TMEM117: variants seen among roughly 807,000 people sequenced by gnomAD.
TMEM117 encodes transmembrane protein 117.
TMEM117 carries 27 observed loss-of-function variants against 52.4 expected under a neutral mutation model. The ratio of observed to expected loss-of-function variants is 0.51; its 90% CI spans 0.38 to 0.71. The LOEUF (loss-of-function observed/expected upper bound fraction) is 0.71. Among genes scored for constraint, TMEM117 ranks in the 30% least tolerant of loss-of-function variants. The pLI is 0.00. For synonymous variants in TMEM117, 215 were observed against 206.3 expected, an observed-to-expected ratio of 1.04 and a Z score of -0.36; for missense variants, 556 against 630.5, an observed-to-expected ratio of 0.88 and a Z score of 1.26.
At chr12:44,340,004 G>A (rs1004662666) in intron 6 of TMEM117, among the ~76,000 whole-genome samples, 1 of 152,082 alleles carries the variant, frequency 6.6e-6, no homozygotes, top group African/African-American at 2.4e-5. Context: ...TGAAGCCACA[G>A]CTAAAATAGT....
intron 3 of TMEM117, chr12:44,010,349 G>A (rs1461937413): frequency 7.2e-6 from 3 of 416,870 alleles, no homozygotes; most frequent in African/African-American, 6.2e-5. Context: ...TGCTGCTCTG[G>A]GTATTGAAGC....
intron 5 of TMEM117, among the ~76,000 whole-genome samples, chr12:44,214,249 G>T (rs751848143): frequency 4.7e-5 from 7 of 147,674 alleles, no homozygotes; most frequent in Non-Finnish European, 7.4e-5. Context: ...AGGTCCTAGT[G>T]ATTCTCCTGC....
chr12:44,067,655 G>C (rs1005412798), intron 3 of TMEM117, among the ~76,000 whole-genome samples: 1 of 152,154 alleles, frequency 6.6e-6, no homozygotes, highest in Non-Finnish European at 1.5e-5. Context: ...AGCAAACCAT[G>C]CTGTAAACAA....
At chr12:43,839,071 A>G (rs1443217252) in intron 1 of TMEM117, among the ~76,000 whole-genome samples, 1 of 152,128 alleles carries the variant, frequency 6.6e-6, no homozygotes, top group Non-Finnish European at 1.5e-5. Flanking sequence ...TCTACATCCA[A>G]TGTATTAGTA....
chr12:44,089,604 C>T (rs1565822712), intron 3 of TMEM117, among the ~76,000 whole-genome samples: 2 of 152,150 alleles, frequency 1.3e-5, no homozygotes, highest in Admixed American at 6.5e-5. Context: ...ATGTGACTCT[C>T]TCAGCGTAAG....
At chr12:43,853,622 AT>A (rs1943349193) in intron 2 of TMEM117, among the ~76,000 whole-genome samples, 1 of 152,218 alleles carries the variant, frequency 6.6e-6, no homozygotes, top group Non-Finnish European at 1.5e-5. Flanking sequence ...TTATTTGTTC[AT>A]TTATAAAAAA....
At chr12:44,256,036 G>T (rs1001101395) in intron 5 of TMEM117, among the ~76,000 whole-genome samples, 4 of 151,760 alleles carry the variant, frequency 2.6e-5, no homozygotes, top group African/African-American at 9.7e-5. Flanking sequence ...ATTTATATAA[G>T]TCATTTATAA....
Position 44,152,542 on chromosome 12 carries a change from A to C in TMEM117, c.510+8918A>C, listed in dbSNP as rs1365986765. 3.3e-5 allele frequency among the ~76,000 whole-genome samples: 4 copies of C among 119,866 alleles called. No homozygotes were observed. The Admixed American group carries it at 3.8e-4, about 11-fold the overall frequency. 78.6% of individuals were successfully genotyped at this position (119,866 alleles called of 152,430 possible). On this transcript the variant is annotated intron_variant, in intron 4 of 7. Transcript: ENST00000266534. ...TTTATATATATATTTATATCATATA[A>C]ATTTTTATATATAATATTTATATCA...
intron 3 of TMEM117, among the ~76,000 whole-genome samples, chr12:44,015,664 C>T (rs539615563): frequency 8.5e-5 from 13 of 152,154 alleles, no homozygotes; most frequent in South Asian, 8.3e-4. Context: ...ATTAACTCTT[C>T]GGAATTCAGG....
chr12:44,064,329 A>C (rs1243705239), intron 3 of TMEM117, among the ~76,000 whole-genome samples: 1 of 152,236 alleles, frequency 6.6e-6, no homozygotes. Flanking sequence ...GCTATTTGCA[A>C]TATGTATATA....
intron 3 of TMEM117, among the ~76,000 whole-genome samples, chr12:44,019,138 G>T (rs1237212791): frequency 6.6e-6 from 1 of 151,896 alleles, no homozygotes; most frequent in Admixed American, 6.6e-5. Context: ...TGCTTGTTTA[G>T]TTGTGTTTTT....
At chr12:43,925,974 T>C (rs1447652248) in intron 2 of TMEM117, among the ~76,000 whole-genome samples, 2 of 152,212 alleles carry the variant, frequency 1.3e-5, no homozygotes, top group African/African-American at 4.8e-5. Flanking sequence ...TTGCCATGTA[T>C]GTGCAACACA....
intron 5 of TMEM117, among the ~76,000 whole-genome samples, chr12:44,256,871 G>T (rs1950265690): frequency 6.6e-6 from 1 of 151,556 alleles, no homozygotes; most frequent in Non-Finnish European, 1.5e-5. Context: ...TATAATGATT[G>T]TTTGGTTTTA....
chr12:44,272,312 A>G (rs565246266), intron 5 of TMEM117, among the ~76,000 whole-genome samples: 1 of 152,184 alleles, frequency 6.6e-6, no homozygotes, highest in East Asian at 1.9e-4. Context: ...TCTATCAGAC[A>G]TTTAAAGAAC....
chr12:44,257,320 G>A (rs1181027722), intron 5 of TMEM117, among the ~76,000 whole-genome samples: 1 of 151,798 alleles, frequency 6.6e-6, no homozygotes, highest in Non-Finnish European at 1.5e-5. Context: ...CTTTTGACAC[G>A]TTGACTCTCT....
intron 3 of TMEM117, among the ~76,000 whole-genome samples, chr12:44,135,414 A>T (rs533590912): frequency 6.6e-6 from 1 of 152,320 alleles, no homozygotes; most frequent in South Asian, 2.1e-4. Context: ...TAATGAATAA[A>T]TGAATATAAA....
At chr12:44,381,238 A>G (rs1459312637) in intron 7 of TMEM117, among the ~76,000 whole-genome samples, 1 of 152,212 alleles carries the variant, frequency 6.6e-6, no homozygotes, top group Non-Finnish European at 1.5e-5. Flanking sequence ...ATAAATGGTT[A>G]GTGATTAAGT....
At chr12:43,917,087 A>G (rs1239077051) in intron 2 of TMEM117, among the ~76,000 whole-genome samples, 1 of 152,114 alleles carries the variant, frequency 6.6e-6, no homozygotes, top group African/African-American at 2.4e-5. Flanking sequence ...ATTTATTGAT[A>G]TAGTGATACA....
intron 3 of TMEM117, among the ~76,000 whole-genome samples, chr12:44,067,236 A>C (rs566624909): frequency 6.6e-6 from 1 of 152,104 alleles, no homozygotes; most frequent in African/African-American, 2.4e-5. Context: ...GCCATCCACA[A>C]GGGTTGGAGT....
Sources: gnomAD v4.1 joint callset for allele counts (sites outside exome capture counted in the v4.1 genomes callset) on GRCh38, gnomAD v4.1.1 for gene constraint, MANE v1.5 for transcripts, NCBI Gene and HGNC (gene_info 2026-07-23, HGNC 2026-07-21) for gene names.